The following ZNF841 variants were observed in gnomAD, a reference collection of about 807,000 sequenced individuals.
The protein encoded by ZNF841 is TCONS_00006091.
ZNF841 carries 11 observed loss-of-function variants against 13.0 expected under a neutral mutation model. The ratio of observed to expected loss-of-function variants is 0.85; its 90% CI spans 0.53 to 1.40. The LOEUF (loss-of-function observed/expected upper bound fraction) is 1.40. Ranked by LOEUF, ZNF841 falls within the 40% of genes most tolerant of loss-of-function variation. The pLI, the probability that ZNF841 is intolerant of heterozygous loss-of-function variation, is 0.00. For synonymous variants in ZNF841, 369 were observed against 381.6 expected, an observed-to-expected ratio of 0.97 and a Z score of 0.38; for missense variants, 1,068 against 1,139.5, an observed-to-expected ratio of 0.94 and a Z score of 0.90.
rs79451009 is a variant in ZNF841, at chr19:52,091,695, G to A, written c.-144+2151C>T. 8.2e-3 allele frequency among the ~76,000 whole-genome samples: 1,244 copies of A among 152,112 alleles called. 22 individuals carry two copies. Among genetic ancestry groups the A allele is most frequent in the African/African-American group, 0.029 (1,184 of 41,502 alleles). ...TATATGCAAAGATAAACTCAAAATA[G>A]ATTAAAGATTTAAATATATGATCTA... On this transcript the variant is annotated intron_variant, in intron 2 of 6. Coordinates refer to ENST00000594440, the MANE Select transcript of ZNF841 (RefSeq NM_001136499.2).
chr19:52,090,951 T>A (rs1046992538), intron 2 of ZNF841, among the ~76,000 whole-genome samples: 4 of 152,152 alleles, frequency 2.6e-5, no homozygotes, highest in African/African-American at 9.7e-5. Flanking sequence ...GAGAATGCAG[T>A]CGTGCAAGCC....
rs891782349 is a variant in ZNF841, at chr19:52,064,835, T to C, written c.*272A>G. ...TTTTGGCAGAAACAGGGTTTCACCA[T>C]GTTGGCCAGGCTGCTCTTGAACTCC... On this transcript the variant is annotated 3_prime_UTR_variant, in exon 7 of 7. Transcript: ENST00000594440. 1 of 238,390 alleles carries C rather than the reference T, an allele frequency of 4.2e-6. No individual in the cohort carries two copies. Among genetic ancestry groups the C allele is most frequent in the African/African-American group, 2.2e-5 (1 of 44,540 alleles). The allele number at this position is 238,390 out of a possible 1,614,324, so 14.8% of individuals were successfully genotyped here.
At chr19:52,059,370 A>AAAT in the ZNF841 span, among the ~76,000 whole-genome samples, 133 of 69,626 alleles carry the variant, frequency 1.9e-3, 1 homozygote, top group Admixed American at 6.8e-3. Context: ...AAAAAAAAAA[A>AAAT]ATATATATAT....
the ZNF841 span, among the ~76,000 whole-genome samples, chr19:52,059,269 G>C: frequency 1.4e-5 from 2 of 145,604 alleles, no homozygotes; most frequent in African/African-American, 5.1e-5. Context: ...AGAATGGCAA[G>C]AACCCGAGAG....
chr19:52,076,231 CT>C, intron 5 of ZNF841, 59 bp from the exon 6 acceptor site: 1 of 1,526,130 alleles, frequency 6.6e-7, no homozygotes. Flanking sequence ...AGCCTAATGT[CT>C]AGGTAGAAGA....
Position 52,067,539 on chromosome 19 carries a change from C to A in ZNF841, c.343G>T (p.Ala115Ser). 2.5e-6 allele frequency: 4 copies of A among 1,599,148 alleles called. No individual in the cohort carries two copies. Among genetic ancestry groups the A allele is most frequent in the Non-Finnish European group, 3.4e-6 (4 of 1,174,372 alleles). The part of the protein sequence containing the change: ...QNSNTGEKFQ[A>S]VMLEGHESYD... Reference sequence around the variant, plus strand: ...CTTTCATGTCCTTCCAACATCACTGCTTGGAATTTTTCTCCTGTGTTACTG... The same window carrying A: ...CTTTCATGTCCTTCCAACATCACTGATTGGAATTTTTCTCCTGTGTTACTG... Residue 115 changes from alanine to serine, a missense_variant, in exon 7 of 7, where the codon GCA becomes TCA. By Grantham distance (99) the Ala-to-Ser change is moderately conservative. Transcript: ENST00000594440.
intron 2 of ZNF841, among the ~76,000 whole-genome samples, chr19:52,089,286 A>T (rs1447311214): frequency 6.6e-6 from 1 of 152,146 alleles, no homozygotes; most frequent in Non-Finnish European, 1.5e-5. Flanking sequence ...AAAAAATGTC[A>T]AGATAACAGA....
At chr19:52,082,406 A>T (rs994021722) in intron 4 of ZNF841, among the ~76,000 whole-genome samples, 1 of 152,246 alleles carries the variant, frequency 6.6e-6, no homozygotes, top group African/African-American at 2.4e-5. Flanking sequence ...ATCAAATATA[A>T]TCTACAAAAA....
rs2087560021 is a variant in ZNF841 at position 52,066,334 on chromosome 19, A to C, written c.1548T>G (p.Asn516Lys). ...CCCAATTAAAGGCTTTGCCACATTC[A>C]TTACATTTGTAAGGTTTCTCTCCAG... Reference protein sequence around the residue: ...VHTGEKPYKCNECGKAFNWGS... With the variant: ...VHTGEKPYKCKECGKAFNWGS... Residue 516 changes from asparagine (N) to lysine (K), a missense_variant, in exon 7 of 7, where the codon AAT (asparagine) becomes AAG (lysine). Coordinates refer to ENST00000594440, the MANE Select transcript of ZNF841 (RefSeq NM_001136499.2). 3.1e-6 allele frequency: 5 copies of C among 1,613,860 alleles called. No homozygotes were observed. Among genetic ancestry groups the C allele is most frequent in the Non-Finnish European group, 4.2e-6 (5 of 1,179,918 alleles).
chr19:52,084,529 C>T lies in ZNF841; in HGVS notation c.15+258G>A, dbSNP rs2088205523. Among the ~76,000 whole-genome samples, 3 of 152,210 alleles carry T rather than the reference C, an allele frequency of 2.0e-5. No homozygotes were observed. In the South Asian group the frequency reaches 6.2e-4, roughly 32 times the overall value. ...CCAAAAGCTGACACCACAGAACTCA[C>T]ACCCTGTCTCCATCCATGTCTGGGT... On this transcript the variant is annotated intron_variant, in intron 4 of 6. Coordinates refer to ENST00000594440, the MANE Select transcript of ZNF841 (RefSeq NM_001136499.2).
chr19:52,060,391 G>GC (rs2087377178), downstream of ZNF841, among the ~76,000 whole-genome samples: 1 of 152,188 alleles, frequency 6.6e-6, no homozygotes, highest in Non-Finnish European at 1.5e-5. Flanking sequence ...AAAGACACTT[G>GC]CAAGTTTCTG....
At chr19:52,078,502 A>G (rs2087981623) in intron 4 of ZNF841, among the ~76,000 whole-genome samples, 2 of 152,078 alleles carry the variant, frequency 1.3e-5, no homozygotes, top group African/African-American at 2.4e-5. Flanking sequence ...GATCGAGACC[A>G]TCCTGGCTAA....
rs911417067 is a variant in ZNF841 at position 52,076,139 on chromosome 19, A to T, written c.176T>A (p.Met59Lys). Reference sequence around the variant, plus strand: ...CCAGGGCTCTTTCCCTTGCTCCAACATGGAGATAATATTCAGGTCAGGAAG... The same window carrying T: ...CCAGGGCTCTTTCCCTTGCTCCAACTTGGAGATAATATTCAGGTCAGGAAG... ...LCLPDLNIIS[M>K]LEQGKEPWTV... Residue 59 changes from methionine to lysine, a missense_variant, in exon 6 of 7, where the codon ATG becomes AAG. Met to Lys is a moderately conservative substitution (Grantham distance 95). Coordinates refer to ENST00000594440, the MANE Select transcript of ZNF841 (RefSeq NM_001136499.2). 2 of 1,556,800 alleles carry T rather than the reference A, an allele frequency of 1.3e-6. No homozygotes were observed. The highest frequency in any genetic ancestry group is 1.7e-4 in the Middle Eastern group (1 of 6,022).
intron 1 of ZNF841, among the ~76,000 whole-genome samples, chr19:52,095,229 G>A (rs1219927926): frequency 6.6e-6 from 1 of 152,194 alleles, no homozygotes; most frequent in Admixed American, 6.5e-5. Flanking sequence ...CCTGGGGAGC[G>A]GAAGGACCCG....
At chr19:52,084,126 A>G (rs1268444460) in intron 4 of ZNF841, among the ~76,000 whole-genome samples, 3 of 152,306 alleles carry the variant, frequency 2.0e-5, no homozygotes, top group Admixed American at 2.0e-4. Context: ...ACTGCCGGTA[A>G]GAGTCCCAGC....
intron 6 of ZNF841, among the ~76,000 whole-genome samples, chr19:52,068,951 A>C (rs7259564): frequency 0.052 from 7,976 of 152,242 alleles, 672 homozygotes; most frequent in African/African-American, 0.18. Context: ...CAGCCTGGGC[A>C]ACAGAGCGAG....
chr19:52,076,420 T>C (rs1181363530), intron 5 of ZNF841: 1 of 393,268 alleles, frequency 2.5e-6, no homozygotes, highest in African/African-American at 2.0e-5. Context: ...CTCAGCACTT[T>C]GGGAGGCCAA....
chr19:52,071,406 T>A (rs1243593748), intron 6 of ZNF841, among the ~76,000 whole-genome samples: 1 of 152,080 alleles, frequency 6.6e-6, no homozygotes, highest in Non-Finnish European at 1.5e-5. Context: ...CCACAAAACT[T>A]TACTGATAGT....
At chr19:52,088,246 C>T (rs16983438) in intron 3 of ZNF841, among the ~76,000 whole-genome samples, 1 of 151,948 alleles carries the variant, frequency 6.6e-6, no homozygotes, top group East Asian at 1.9e-4. Context: ...CTGTGGACTC[C>T]ACTTAGGCCT....
Sources: allele counts gnomAD v4.1 joint callset (sites outside exome capture counted in the v4.1 genomes callset), GRCh38; gene constraint gnomAD v4.1.1; transcripts MANE v1.5; gene names NCBI Gene and HGNC (gene_info 2026-07-23, HGNC 2026-07-21).